The following MYLK4 variants were observed in gnomAD, a reference collection of about 807,000 sequenced individuals.
MYLK4 encodes myosin light chain kinase family member 4.
In MYLK4, 46 loss-of-function variants were observed where a neutral mutation model predicts 48.1. The observed-to-expected ratio is 0.96, with a 90% confidence interval of 0.75 to 1.22. The LOEUF is 1.22. Ranked by LOEUF, MYLK4 falls within the 50% of genes most tolerant of loss-of-function variation. The pLI, the probability that MYLK4 is intolerant of heterozygous loss-of-function variation, is 0.00. For missense variants in MYLK4, 451 were observed against 486.1 expected, an observed-to-expected ratio of 0.93 and a Z score of 0.68; for synonymous variants, 170 against 180.8, an observed-to-expected ratio of 0.94 and a Z score of 0.48.
At chr6:2,682,973 C>T (rs748131625) in intron 7 of MYLK4, 48 bp downstream of exon 7, 24 of 1,611,470 alleles carry the variant, frequency 1.5e-5, no homozygotes, top group Non-Finnish European at 2.0e-5. Flanking sequence ...GCCCACTGTG[C>T]AAGAGCTGGG....
At chr6:2,701,370 C>T (rs527397945) in intron 2 of MYLK4, among the ~76,000 whole-genome samples, 2 of 152,234 alleles carry the variant, frequency 1.3e-5, no homozygotes, top group South Asian at 2.1e-4. Flanking sequence ...TGGGGCACGC[C>T]GGCCGAGGCT....
chr6:2,737,134 G>A (rs1387534652), intron 2 of MYLK4, among the ~76,000 whole-genome samples: 1 of 152,158 alleles, frequency 6.6e-6, no homozygotes, highest in Admixed American at 6.5e-5. Flanking sequence ...CCAACATGGT[G>A]AAACCCCATC....
At chr6:2,698,813 T>C (rs1446130346) in intron 2 of MYLK4, among the ~76,000 whole-genome samples, 1 of 152,196 alleles carries the variant, frequency 6.6e-6, no homozygotes, top group Non-Finnish European at 1.5e-5. Flanking sequence ...AAACTCTCCA[T>C]GTATGAAGCG....
intron 2 of MYLK4, among the ~76,000 whole-genome samples, chr6:2,727,556 C>A (rs1251665709): frequency 1.3e-5 from 2 of 152,228 alleles, no homozygotes; most frequent in South Asian, 2.1e-4. Context: ...ACAAACCGCT[C>A]GAGGTTGCAT....
the MYLK4 span, chr6:2,765,580 G>T: frequency 6.9e-7 from 1 of 1,443,012 alleles, no homozygotes; most frequent in Non-Finnish European, 9.1e-7. Flanking sequence ...GTGCGCACGG[G>T]TTGCTGCGGC....
chr6:2,763,472 G>A, the MYLK4 span, among the ~76,000 whole-genome samples: 68 of 152,348 alleles, frequency 4.5e-4, no homozygotes, highest in Admixed American at 3.9e-3. Context: ...GCCTTGCGCT[G>A]CGTGGAGGCA....
intron 3 of MYLK4, among the ~76,000 whole-genome samples, chr6:2,690,531 AAC>A (rs1417152427): frequency 6.6e-6 from 1 of 152,172 alleles, no homozygotes; most frequent in Non-Finnish European, 1.5e-5. Flanking sequence ...GTTTTCTTAA[AAC>A]AGTGTTTTGG....
intron 12 of MYLK4, among the ~76,000 whole-genome samples, chr6:2,670,353 A>G (rs533062606): frequency 7.1e-6 from 1 of 141,108 alleles, no homozygotes; most frequent in East Asian, 2.2e-4. Context: ...GTGACAGAGC[A>G]AGACTCTATC....
Position 2,737,979 on chromosome 6 carries a change from GGTGGGGGGGGGGT to G in MYLK4, c.159+11144_159+11156del, listed in dbSNP as rs1418304504. On this transcript the variant is annotated intron_variant, in intron 2 of 12. Coordinates refer to ENST00000274643, the MANE Select transcript of MYLK4 (RefSeq NM_001012418.5). Reference sequence around the variant, plus strand: ...TGCTGGGGGTGGGGTGCCGGGGGCGGGTGGGGGGGGGGTGGTCAATGTTATTAACCCCAGATGA... The same window carrying G: ...TGCTGGGGGTGGGGTGCCGGGGGCGGGGTCAATGTTATTAACCCCAGATGA... Among the ~76,000 whole-genome samples the G allele has an allele frequency of 4.1e-5, 3 of 72,854 alleles. 1 individual carries two copies. Among genetic ancestry groups the G allele is most frequent in the Non-Finnish European group, 9.2e-5 (3 of 32,536 alleles). The allele number at this position is 72,854 out of a possible 152,430, so 47.8% of individuals were successfully genotyped here. A position where few individuals can be genotyped will look rare whatever the true frequency, so the allele number is the denominator to read the frequency against.
chr6:2,703,665 C>CTTTTT (rs3055234), intron 2 of MYLK4, among the ~76,000 whole-genome samples: 4,258 of 94,816 alleles, frequency 0.045, 395 homozygotes, highest in East Asian at 0.054. Flanking sequence ...TTTGTGAATT[C>CTTTTT]TTTTTTTTTT....
the MYLK4 span, among the ~76,000 whole-genome samples, chr6:2,762,823 G>C: frequency 1.8e-4 from 28 of 152,260 alleles, no homozygotes; most frequent in Non-Finnish European, 3.5e-4. Context: ...AGAGGTCTTA[G>C]GTCAGCATCT....
At chr6:2,717,947 G>A (rs574077746) in intron 2 of MYLK4, among the ~76,000 whole-genome samples, 14 of 152,266 alleles carry the variant, frequency 9.2e-5, no homozygotes, top group Admixed American at 7.8e-4. Context: ...TTGGGCGGCC[G>A]AGGCAGGCGG....
At chr6:2,765,492 G>C in the MYLK4 span, 1 of 1,181,076 alleles carries the variant, frequency 8.5e-7, no homozygotes, top group Non-Finnish European at 1.1e-6. Context: ...CCCTCCTCCG[G>C]CCCGCGAGCG....
intron 2 of MYLK4, among the ~76,000 whole-genome samples, chr6:2,709,245 C>T (rs1357337543): frequency 2.6e-5 from 4 of 152,216 alleles, no homozygotes; most frequent in East Asian, 1.9e-4. Flanking sequence ...CAGATCTTAA[C>T]ATCTGGTCAT....
intron 4 of MYLK4, among the ~76,000 whole-genome samples, chr6:2,688,500 A>G (rs535323812): frequency 5.3e-5 from 8 of 152,364 alleles, no homozygotes; most frequent in Non-Finnish European, 1.0e-4. Flanking sequence ...AATGACAGAA[A>G]GACCTAATAC....
At chr6:2,706,126 T>C (rs1394470595) in intron 2 of MYLK4, among the ~76,000 whole-genome samples, 2 of 152,226 alleles carry the variant, frequency 1.3e-5, no homozygotes, top group Middle Eastern at 3.2e-3. Context: ...TTGCAATATA[T>C]GATCTTTTCT....
rs112149614 is a variant in MYLK4 at position 2,679,408 on chromosome 6, T to C, written c.759A>G (p.Arg253=). 6.3e-5 allele frequency: 101 copies of C among 1,614,054 alleles called. No homozygotes were observed. The African/African-American group carries it at 1.2e-3, about 19-fold the overall frequency. The change falls in exon 9 of 13, where the codon AGA becomes AGG. Residue 253 remains arginine (R), a splice_region_variant and synonymous_variant. Transcript: ENST00000274643. ...CCTTCAGCTTCTCTCTGGGTTTGTA[T>C]CTGCAATTTAAGAGACAAAGTGGAA... ...IKIIDFGLAR[R]YKPREKLKVN... is the part of the protein sequence containing the mutation.
chr6:2,727,773 C>G (rs1163226037), intron 2 of MYLK4, among the ~76,000 whole-genome samples: 1 of 151,924 alleles, frequency 6.6e-6, no homozygotes, highest in Non-Finnish European at 1.5e-5. Flanking sequence ...GTGGTAAAAC[C>G]CCGTTTCTAC....
chr6:2,696,589 A>G (rs4959702), intron 2 of MYLK4, among the ~76,000 whole-genome samples: 12,834 of 152,296 alleles, frequency 0.084, 777 homozygotes, highest in East Asian at 0.18. Flanking sequence ...CTCAGCCCCC[A>G]GAACTGTGAG....
Sources: allele counts gnomAD v4.1 joint callset (sites outside exome capture counted in the v4.1 genomes callset), GRCh38; gene constraint gnomAD v4.1.1; transcripts MANE v1.5; gene names NCBI Gene and HGNC (gene_info 2026-07-23, HGNC 2026-07-21).